The following FYB1 variants were observed in gnomAD, a reference collection of about 807,000 sequenced individuals.
FYB1 encodes FYN binding protein 1, also known as FYN-binding protein 1.
A neutral mutation model predicts 94.1 loss-of-function variants in FYB1; 41 were observed. The observed-to-expected ratio is 0.44, with a 90% CI of 0.34 to 0.57. FYB1 has a LOEUF of 0.57. FYB1 is among the 20% of genes least tolerant of loss of function. The probability of loss-of-function intolerance (pLI) is 0.02; values close to 1 mark genes in which losing one functional copy is unlikely to be tolerated. For missense variants in FYB1, 1,050 were observed against 976.8 expected (o/e 1.07, Z -1.00); for synonymous variants, 367 against 353.2 (o/e 1.04, Z -0.44).
At chr5:39,144,639 T>C (rs1742483941) in intron 3 of FYB1, among the ~76,000 whole-genome samples, 2 of 152,116 alleles carry the variant, frequency 1.3e-5, no homozygotes, top group South Asian at 4.1e-4. Context: ...CCGTCTCTAC[T>C]AAAAATACAA....
chr5:39,107,580 G>T, intron 18 of FYB1, 115 bp from the exon 19 acceptor site: 1 of 530,404 alleles, frequency 1.9e-6, no homozygotes, highest in Non-Finnish European at 3.2e-6. Context: ...AAAAAAAATA[G>T]AACTGGCTCA....
intron 10 of FYB1, among the ~76,000 whole-genome samples, 182 bp from the exon 11 acceptor site, chr5:39,127,989 C>A (rs535015595): frequency 6.6e-6 from 1 of 152,130 alleles, no homozygotes; most frequent in Admixed American, 6.5e-5. Flanking sequence ...GGTGAAATTA[C>A]AATAACAAAA....
intron 10 of FYB1, among the ~76,000 whole-genome samples, chr5:39,128,092 T>TA (rs1321750412): frequency 6.6e-6 from 1 of 152,084 alleles, no homozygotes; most frequent in Admixed American, 6.5e-5. Context: ...TGGAGTTAAA[T>TA]ATTTATTGTG....
chr5:39,125,298 A>T (rs1280331448), intron 12 of FYB1, among the ~76,000 whole-genome samples: 1 of 152,062 alleles, frequency 6.6e-6, no homozygotes, highest in Non-Finnish European at 1.5e-5. Flanking sequence ...AAACAGAAAG[A>T]TTTTCTTGTA....
At chr5:39,176,457 A>T (rs1418321984) in intron 2 of FYB1, among the ~76,000 whole-genome samples, 3 of 152,010 alleles carry the variant, frequency 2.0e-5, no homozygotes, top group Admixed American at 6.6e-5. Flanking sequence ...GCCCCAAGTC[A>T]TTTTTATATT....
At chr5:39,174,383 T>C (rs551475373) in intron 2 of FYB1, among the ~76,000 whole-genome samples, 2 of 152,324 alleles carry the variant, frequency 1.3e-5, no homozygotes, top group East Asian at 1.9e-4. Flanking sequence ...CATAAAACCC[T>C]AGGACTGAAA....
intron 2 of FYB1, among the ~76,000 whole-genome samples, chr5:39,184,460 G>A (rs990731483): frequency 1.3e-5 from 2 of 152,114 alleles, no homozygotes; most frequent in African/African-American, 4.8e-5. Context: ...GGCTATTTTG[G>A]TGAGTTTGAA....
chr5:39,162,493 T>G (rs1311499946), intron 2 of FYB1, among the ~76,000 whole-genome samples: 1 of 152,124 alleles, frequency 6.6e-6, no homozygotes, highest in Non-Finnish European at 1.5e-5. Flanking sequence ...CAGACCATCC[T>G]GGCCAACATG....
At chr5:39,136,500 A>G (rs1741691528) in intron 7 of FYB1, among the ~76,000 whole-genome samples, 1 of 152,250 alleles carries the variant, frequency 6.6e-6, no homozygotes, top group Non-Finnish European at 1.5e-5. Flanking sequence ...ACTTACATAT[A>G]GCAAGCTTTT....
Position 39,137,599 on chromosome 5 carries a change from C to T in FYB1, c.1515+1G>A. On this transcript the variant is annotated splice_donor_variant, in intron 7 of 18. Coordinates refer to ENST00000512982, the MANE Select transcript of FYB1 (RefSeq NM_001465.6). LOFTEE classifies it high-confidence loss of function. ...TCACTCATTAGCAAGCAAGCCCTTA[C>T]TTTAAATTTCTTCTTTATTTCTTGT... 1 of 1,543,684 alleles carries T rather than the reference C, an allele frequency of 6.5e-7. No individual in the cohort carries two copies. Among genetic ancestry groups the T allele is most frequent in the Non-Finnish European group, 8.7e-7 (1 of 1,143,106 alleles).
At chr5:39,172,053 A>T (rs1745293910) in intron 2 of FYB1, among the ~76,000 whole-genome samples, 1 of 152,206 alleles carries the variant, frequency 6.6e-6, no homozygotes, top group Non-Finnish European at 1.5e-5. Flanking sequence ...AGCAGTCTTT[A>T]ATGCATTCTT....
intron 2 of FYB1, among the ~76,000 whole-genome samples, chr5:39,173,729 T>A (rs1208401129): frequency 6.7e-6 from 1 of 149,258 alleles, no homozygotes; most frequent in Non-Finnish European, 1.5e-5. Flanking sequence ...TTTTGTCAGT[T>A]TTGTCAAAGA....
At chr5:39,268,567 A>AT (rs900391335) in intron 1 of FYB1, among the ~76,000 whole-genome samples, 42 of 148,330 alleles carry the variant, frequency 2.8e-4, no homozygotes, top group African/African-American at 9.2e-4. Flanking sequence ...AATATGTGTT[A>AT]TTTTTTTTTT....
intron 3 of FYB1, among the ~76,000 whole-genome samples, chr5:39,152,937 G>A (rs6861322): frequency 0.92 from 140,712 of 152,280 alleles, 65,900 homozygotes; most frequent in Non-Finnish European, 1. Context: ...CTATTTTGTG[G>A]TCTTGGAGAA....
intron 1 of FYB1, among the ~76,000 whole-genome samples, chr5:39,245,681 C>A (rs944110740): frequency 6.6e-6 from 1 of 151,880 alleles, no homozygotes; most frequent in Admixed American, 6.6e-5. Flanking sequence ...TCACTGCAAC[C>A]TCCACCTCCC....
At chr5:39,146,425 C>T (rs889306734) in intron 3 of FYB1, among the ~76,000 whole-genome samples, 5 of 152,128 alleles carry the variant, frequency 3.3e-5, no homozygotes, top group African/African-American at 1.2e-4. Flanking sequence ...GGGATTGTCA[C>T]TTTGCTAGTT....
intron 2 of FYB1, among the ~76,000 whole-genome samples, chr5:39,193,898 A>T (rs1257678394): frequency 6.6e-6 from 1 of 152,216 alleles, no homozygotes; most frequent in Non-Finnish European, 1.5e-5. Flanking sequence ...CAGAACTCAA[A>T]TCGCAATTCT....
At chr5:39,206,541 T>C (rs184964299) in intron 1 of FYB1, among the ~76,000 whole-genome samples, 12 of 152,360 alleles carry the variant, frequency 7.9e-5, no homozygotes, top group Non-Finnish European at 1.3e-4. Flanking sequence ...AATATATTCT[T>C]GAGTGATAGA....
rs368591929 is a variant in FYB1 at position 39,255,597 on chromosome 5, A to G, written c.-28+18806T>C. Reference sequence around the variant, plus strand: ...ATATGACCCCATTTTCCACACCTAGATACTGCTTCCAGTCCAAACATGTCC... The same window carrying G: ...ATATGACCCCATTTTCCACACCTAGGTACTGCTTCCAGTCCAAACATGTCC... On this transcript the variant is annotated intron_variant, in intron 1 of 1. Coordinates refer to the FYB1 transcript ENST00000510188. Among the ~76,000 whole-genome samples the G allele has an allele frequency of 4.6e-5, 7 of 152,276 alleles. No individual in the cohort carries two copies. In the South Asian group the frequency reaches 6.2e-4, roughly 14 times the overall value.
Sources: gnomAD v4.1 joint callset for allele counts (sites outside exome capture counted in the v4.1 genomes callset) on GRCh38, gnomAD v4.1.1 for gene constraint, MANE v1.5 for transcripts, NCBI Gene and HGNC (gene_info 2026-07-23, HGNC 2026-07-21) for gene names.